Variants in SUCLG2 observed in about 807,000 individuals in gnomAD.
The protein encoded by SUCLG2 is succinate-CoA ligase GDP-forming subunit beta, also known as succinate--CoA ligase [GDP-forming] subunit beta, mitochondrial.
In SUCLG2, 42 loss-of-function variants were observed where a neutral mutation model predicts 47.9. That is an observed-to-expected ratio of 0.88 (90% CI 0.69 to 1.14). The LOEUF is 1.14. Ranked by LOEUF, SUCLG2 falls within the 50% of genes most tolerant of loss-of-function variation. SUCLG2 has a pLI of 0.00. For synonymous variants in SUCLG2, 195 were observed against 197.3 expected (o/e 0.99, Z 0.10); for missense variants, 571 against 525.9 (o/e 1.09, Z -0.84).
Position 67,520,623 on chromosome 3 carries a change from A to C in SUCLG2, c.429T>G (p.Ala143=). The change falls in exon 5 of 11, where the codon GCT becomes GCG. Residue 143 remains alanine, a synonymous_variant. Coordinates refer to ENST00000307227, the MANE Select transcript of SUCLG2 (RefSeq NM_003848.4). Reference sequence around the variant, plus strand: ...TTTCTCTGGAAATATCCAAGGCTTCAGCAACCATCACCTACCACATTAGTG... The same window carrying C: ...TTTCTCTGGAAATATCCAAGGCTTCCGCAACCATCACCTACCACATTAGTG... ...EGVKVNKVMV[A]EALDISRETY... The C allele has an allele frequency of 6.2e-7, 1 of 1,612,052 alleles. No individual in the cohort carries two copies. The highest frequency in any genetic ancestry group is 2.2e-5 in the East Asian group (1 of 44,868).
chr3:67,478,040 A>G (rs1704813434), intron 9 of SUCLG2, among the ~76,000 whole-genome samples: 1 of 152,232 alleles, frequency 6.6e-6, no homozygotes, highest in African/African-American at 2.4e-5. Context: ...AAACTAAGGC[A>G]CACATAGATT....
At chr3:67,441,479 G>A (rs956547284) in intron 9 of SUCLG2, among the ~76,000 whole-genome samples, 6 of 152,014 alleles carry the variant, frequency 3.9e-5, no homozygotes, top group African/African-American at 7.2e-5. Flanking sequence ...ATATGTCTGC[G>A]TGTGAGCTTG....
At chr3:67,438,568 C>T (rs1259683725) in intron 9 of SUCLG2, among the ~76,000 whole-genome samples, 2 of 151,916 alleles carry the variant, frequency 1.3e-5, no homozygotes, top group African/African-American at 4.8e-5. Flanking sequence ...ATCACTGATC[C>T]CACAGAAATA....
chr3:67,378,121 C>T (rs1325851383), intron 10 of SUCLG2, among the ~76,000 whole-genome samples: 1 of 152,222 alleles, frequency 6.6e-6, no homozygotes, highest in African/African-American at 2.4e-5. Flanking sequence ...GTTACAGGAG[C>T]TAGCATTATT....
At chr3:67,398,711 C>A (rs971727088) in intron 10 of SUCLG2, among the ~76,000 whole-genome samples, 6 of 152,152 alleles carry the variant, frequency 3.9e-5, no homozygotes, top group African/African-American at 1.4e-4. Context: ...GCTATAAGGA[C>A]ACATGCACAC....
Position 67,599,236 on chromosome 3 carries a change from C to T in SUCLG2, c.226+10219G>A, listed in dbSNP as rs184468270. On this transcript the variant is annotated intron_variant, in intron 2 of 10. Coordinates refer to ENST00000307227, the MANE Select transcript of SUCLG2 (RefSeq NM_003848.4). ...GCAAATGCAAGATTTGAATTCAAGG[C>T]GAACTCCAGAGTCATCCTCACCATA... Among the ~76,000 whole-genome samples the T allele has an allele frequency of 4.7e-4, 72 of 152,204 alleles. No homozygotes were observed. In the East Asian group the frequency reaches 6.0e-3, roughly 13 times the overall value.
At chr3:67,437,270 A>T (rs952308571) in intron 9 of SUCLG2, among the ~76,000 whole-genome samples, 3 of 152,152 alleles carry the variant, frequency 2.0e-5, no homozygotes, top group African/African-American at 7.2e-5. Context: ...AGGGGAGGTG[A>T]TTACACAAGA....
At chr3:67,605,202 T>A (rs1022852469) in intron 2 of SUCLG2, among the ~76,000 whole-genome samples, 1 of 152,192 alleles carries the variant, frequency 6.6e-6, no homozygotes, top group Admixed American at 6.5e-5. Flanking sequence ...CAGGAAGATG[T>A]GTGCATAATC....
intron 5 of SUCLG2, among the ~76,000 whole-genome samples, chr3:67,520,196 A>T (rs1372176898): frequency 6.6e-6 from 1 of 152,218 alleles, no homozygotes; most frequent in East Asian, 1.9e-4. Context: ...CCATTGGTTA[A>T]TTCTTGAGGA....
downstream of SUCLG2, among the ~76,000 whole-genome samples, chr3:67,374,410 C>G (rs1311270664): frequency 6.6e-6 from 1 of 152,180 alleles, no homozygotes; most frequent in Non-Finnish European, 1.5e-5. Context: ...GCAATTGAGC[C>G]TCACTTAATG....
At chr3:67,411,501 A>G (rs928891863) in intron 9 of SUCLG2, among the ~76,000 whole-genome samples, 2 of 152,186 alleles carry the variant, frequency 1.3e-5, no homozygotes, top group Non-Finnish European at 2.9e-5. Flanking sequence ...ATCTGGCTGG[A>G]AAGAGTAAAA....
At chr3:67,426,799 G>A (rs997390034) in intron 9 of SUCLG2, among the ~76,000 whole-genome samples, 71 of 152,112 alleles carry the variant, frequency 4.7e-4, no homozygotes, top group Admixed American at 7.9e-4. Context: ...GTGGTGGTTC[G>A]CGCCTGTAGT....
At chr3:67,547,345 C>A (rs1042033621) in intron 2 of SUCLG2, among the ~76,000 whole-genome samples, 1 of 152,202 alleles carries the variant, frequency 6.6e-6, no homozygotes. Context: ...TATTTCCTTA[C>A]GGCAGCCAGA....
intron 9 of SUCLG2, among the ~76,000 whole-genome samples, chr3:67,442,777 C>T (rs928635456): frequency 1.3e-5 from 2 of 152,182 alleles, no homozygotes; most frequent in Non-Finnish European, 2.9e-5. Context: ...TTGTAAACAT[C>T]TATACTAATG....
At chr3:67,361,617 A>G (rs1701804715) in intron 10 of SUCLG2, among the ~76,000 whole-genome samples, 1 of 152,166 alleles carries the variant, frequency 6.6e-6, no homozygotes, top group Non-Finnish European at 1.5e-5. Flanking sequence ...GCCTGCAGCG[A>G]CTAAAATGGC....
At chr3:67,611,720 G>A (rs1700530220) in intron 1 of SUCLG2, among the ~76,000 whole-genome samples, 1 of 152,130 alleles carries the variant, frequency 6.6e-6, no homozygotes, top group Non-Finnish European at 1.5e-5. Context: ...ATGTGGTTGT[G>A]GTCAATTCCT....
intron 9 of SUCLG2, among the ~76,000 whole-genome samples, chr3:67,444,351 C>CT (rs1703870448): frequency 1.4e-5 from 1 of 73,202 alleles, no homozygotes; most frequent in African/African-American, 5.0e-5. Context: ...GTTAGCCCCC[C>CT]GCCTGGCCAG....
At chr3:67,601,455 G>C (rs77327193) in intron 2 of SUCLG2, among the ~76,000 whole-genome samples, 1 of 152,124 alleles carries the variant, frequency 6.6e-6, no homozygotes, top group African/African-American at 2.4e-5. Context: ...CACCCAGACA[G>C]AGCGATCACA....
At chr3:67,531,100 T>C (rs1421056682) in intron 2 of SUCLG2, among the ~76,000 whole-genome samples, 3 of 152,206 alleles carry the variant, frequency 2.0e-5, no homozygotes, top group African/African-American at 7.2e-5. Flanking sequence ...ATGTGAAGAA[T>C]AAATGAAATA....
Sources: gnomAD v4.1 joint callset for allele counts (sites outside exome capture counted in the v4.1 genomes callset) on GRCh38, gnomAD v4.1.1 for gene constraint, MANE v1.5 for transcripts, NCBI Gene and HGNC (gene_info 2026-07-23, HGNC 2026-07-21) for gene names.